The following TXK variants were observed in gnomAD, a reference collection of about 807,000 sequenced individuals.
TXK encodes the protein TXK tyrosine kinase.
In TXK, 60 loss-of-function variants were observed where a neutral mutation model predicts 81.0. The observed-to-expected ratio is 0.74, with a 90% CI of 0.60 to 0.92. TXK has a LOEUF of 0.92. Among genes scored for constraint, TXK ranks in the 40% least tolerant of loss-of-function variants. The pLI, the probability that TXK is intolerant of heterozygous loss-of-function variation, is 0.00. For synonymous variants in TXK, 203 were observed against 210.7 expected (o/e 0.96, Z 0.32); for missense variants, 581 against 638.3 (o/e 0.91, Z 0.97).
intron 8 of TXK, among the ~76,000 whole-genome samples, chr4:48,093,875 G>C (rs552073602): frequency 6.6e-5 from 10 of 152,280 alleles, no homozygotes; most frequent in African/African-American, 2.4e-4. Context: ...ATAAGAAATT[G>C]ACCTACCTCT....
chr4:48,084,826 G>C (rs1208320252), intron 10 of TXK, among the ~76,000 whole-genome samples: 1 of 135,932 alleles, frequency 7.4e-6, no homozygotes, highest in African/African-American at 2.5e-5. Context: ...CTTCGAAAGA[G>C]AATGGGTCCA....
chr4:48,107,410 G>A (rs1168665450), intron 5 of TXK, among the ~76,000 whole-genome samples: 1 of 147,340 alleles, frequency 6.8e-6, no homozygotes, highest in Non-Finnish European at 1.5e-5. Flanking sequence ...CACACTACCT[G>A]CTACCACCTT....
At position 48,080,099 on chromosome 4, in the gene TXK, A is replaced by T. The variant is rs1297473224; in HGVS notation, c.986T>A (p.Leu329His). The T allele has an allele frequency of 8.7e-6, 14 of 1,613,802 alleles. No individual in the cohort carries two copies. Among genetic ancestry groups the T allele is most frequent in the African/African-American group, 1.3e-5 (1 of 74,922 alleles). The change falls in exon 11 of 15, where the codon CTT becomes CAT. Residue 329 changes from leucine (L) to histidine (H), a missense_variant. Transcript: ENST00000264316. Reference protein sequence around the residue: ...MKLSHSKLVQLYGVCIQRKPL... With the variant: ...MKLSHSKLVQHYGVCIQRKPL... ...CTTCCGCTGTATACAGACTCCATAA[A>T]GTTGCACTAGCTTTGAATGAGATAA...
At chr4:48,130,190 T>C (rs1719215104) in intron 1 of TXK, among the ~76,000 whole-genome samples, 1 of 152,232 alleles carries the variant, frequency 6.6e-6, no homozygotes, top group Non-Finnish European at 1.5e-5. Context: ...CAAGTTCTTT[T>C]TTAATCTGCG....
chr4:48,094,386 G>C (rs1023367402), intron 7 of TXK, among the ~76,000 whole-genome samples, 182 bp from the exon 8 acceptor site: 1 of 152,072 alleles, frequency 6.6e-6, no homozygotes, highest in African/African-American at 2.4e-5. Flanking sequence ...TACATTATTG[G>C]GGCCTTAGAT....
intron 6 of TXK, among the ~76,000 whole-genome samples, chr4:48,098,771 G>C (rs1488268462): frequency 6.6e-6 from 1 of 152,050 alleles, no homozygotes; most frequent in African/African-American, 2.4e-5. Context: ...AGACCAACCT[G>C]GCCAACATAG....
chr4:48,074,086 A>G (rs1458678416), intron 12 of TXK, 33 bp from the exon 13 acceptor site: 1 of 1,487,142 alleles, frequency 6.7e-7, no homozygotes, highest in East Asian at 2.3e-5. Context: ...ATATTGTGTT[A>G]ATTACCTCCA....
In TXK at chr4:48,067,650, G is replaced by A. The variant is rs867400858; in HGVS notation, c.1571C>T (p.Ala524Val). The change falls in exon 15 of 15, where the codon GCG (alanine) becomes GTG (valine). Residue 524 changes from alanine (A) to valine (V), a missense_variant. Transcript: ENST00000264316. ...TTCTGTTTCCGGTCACCAGGTTTCC[G>A]CAATCTCTGTGACAGCCCGCAGCAG... ...AELLRAVTEI[A>V]ETW 32 of 1,613,852 alleles carry A rather than the reference G, an allele frequency of 2.0e-5. No individual in the cohort carries two copies. Among genetic ancestry groups the A allele is most frequent in the Middle Eastern group, 1.6e-4 (1 of 6,084 alleles).
At chr4:48,068,009 A>G (rs1716676347) in intron 14 of TXK, among the ~76,000 whole-genome samples, 1 of 152,218 alleles carries the variant, frequency 6.6e-6, no homozygotes, top group Non-Finnish European at 1.5e-5. Flanking sequence ...TTGGCAGTTG[A>G]GTGAGGCGTG....
chr4:48,071,200 C>T (rs1449667758), intron 14 of TXK, among the ~76,000 whole-genome samples: 1 of 152,052 alleles, frequency 6.6e-6, no homozygotes, highest in Non-Finnish European at 1.5e-5. Context: ...GCGCCCGGCC[C>T]ATTAATTCTT....
At chr4:48,115,013 G>A (rs961482490) in intron 1 of TXK, among the ~76,000 whole-genome samples, 1 of 148,312 alleles carries the variant, frequency 6.7e-6, no homozygotes, top group Non-Finnish European at 1.5e-5. Context: ...AGGAATCTAG[G>A]TATTGGTATT....
At chr4:48,080,390 C>T (rs1183780239) in intron 10 of TXK, among the ~76,000 whole-genome samples, 1 of 152,056 alleles carries the variant, frequency 6.6e-6, no homozygotes, top group Non-Finnish European at 1.5e-5. Flanking sequence ...TTTTATGTTT[C>T]TCCTCTTCAT....
chr4:48,130,955 C>G (rs1719234092), intron 1 of TXK, among the ~76,000 whole-genome samples: 1 of 152,152 alleles, frequency 6.6e-6, no homozygotes, highest in Non-Finnish European at 1.5e-5. Context: ...TCTTTCTACT[C>G]TCTAAGTTGG....
chr4:48,121,502 C>A (rs952989400), intron 1 of TXK, among the ~76,000 whole-genome samples: 1 of 152,166 alleles, frequency 6.6e-6, no homozygotes, highest in African/African-American at 2.4e-5. Flanking sequence ...GGTTCCAGAT[C>A]CTCCGACAGA....
intron 9 of TXK, among the ~76,000 whole-genome samples, chr4:48,088,051 C>A (rs930025645): frequency 1.3e-5 from 2 of 151,982 alleles, no homozygotes; most frequent in African/African-American, 2.4e-5. Context: ...CAAATGGCCA[C>A]TAAGCCAAAT....
Position 48,134,156 on chromosome 4 carries a change from G to T in TXK, c.15C>A (p.Ser5=). 2 of 1,613,270 alleles carry T rather than the reference G, an allele frequency of 1.2e-6. No individual in the cohort carries two copies. Among genetic ancestry groups the T allele is most frequent in the Non-Finnish European group, 1.7e-6 (2 of 1,179,644 alleles). Residue 5 remains serine (S), a splice_region_variant and synonymous_variant, in exon 1 of 15, where the codon TCC becomes TCA. Transcript: ENST00000264316. The stretch of plus-strand genomic sequence containing the variant: ...AATGACAAAGCCCATCTTACTCACA[G>T]GAGGAAAGGATCATGGTAGCCCCTT... MILS[S]YNTIQSVFCC...
chr4:48,126,260 G>T (rs1050811868), intron 1 of TXK, among the ~76,000 whole-genome samples: 13 of 152,132 alleles, frequency 8.5e-5, no homozygotes, highest in African/African-American at 3.1e-4. Context: ...CATTTATCAT[G>T]AGCCACTTTC....
At position 48,071,556 on chromosome 4, in the gene TXK, T is replaced by C; in HGVS notation, c.1476A>G (p.Pro492=). 1 of 1,614,170 alleles carries C rather than the reference T, an allele frequency of 6.2e-7. No individual in the cohort carries two copies. The highest frequency in any genetic ancestry group is 1.3e-5 in the African/African-American group (1 of 75,058). ...TGTACATGACTTCATATATGGACAT[T>C]GGTGCCAGGTGAGGGCGATATAGCC... The part of the protein sequence containing the change: ...GFRLYRPHLA[P]MSIYEVMYSC... The change falls in exon 14 of 15, where the codon CCA becomes CCG. Residue 492 remains proline, a synonymous_variant. Coordinates refer to ENST00000264316, the MANE Select transcript of TXK (RefSeq NM_003328.3).
intron 1 of TXK, among the ~76,000 whole-genome samples, chr4:48,126,703 C>T (rs1719099204): frequency 6.6e-6 from 1 of 152,180 alleles, no homozygotes; most frequent in Non-Finnish European, 1.5e-5. Flanking sequence ...AGGATTTCAC[C>T]ACATTGGCCA....
Sources: allele counts gnomAD v4.1 joint callset (sites outside exome capture counted in the v4.1 genomes callset), GRCh38; gene constraint gnomAD v4.1.1; transcripts MANE v1.5; gene names NCBI Gene and HGNC (gene_info 2026-07-23, HGNC 2026-07-21).